BCL11B: variants seen among roughly 807,000 people sequenced by gnomAD.
BCL11B encodes the protein B-cell lymphoma/leukemia 11B.
BCL11B carries 8 observed loss-of-function variants against 49.9 expected under a neutral mutation model. That is an observed-to-expected ratio of 0.16 (90% CI 0.09 to 0.29). The LOEUF (loss-of-function observed/expected upper bound fraction) is 0.29. BCL11B is among the 10% of genes least tolerant of loss of function. The probability of loss-of-function intolerance (pLI) is 1.00; values close to 1 mark genes in which losing one functional copy is unlikely to be tolerated. For missense variants in BCL11B, 1,006 were observed against 1,351.0 expected (o/e 0.74, Z 4.00); for synonymous variants, 739 against 637.4 (o/e 1.16, Z -2.40).
chr14:99,176,377 G>A (rs2496478), intron 3 of BCL11B, among the ~76,000 whole-genome samples, 182 bp from the exon 4 acceptor site: 1 of 152,182 alleles, frequency 6.6e-6, no homozygotes, highest in Non-Finnish European at 1.5e-5. Context: ...CCTGGCTGGG[G>A]GGCCGAAGAC....
At chr14:99,259,067 G>C (rs1289311116) in intron 1 of BCL11B, among the ~76,000 whole-genome samples, 1 of 152,138 alleles carries the variant, frequency 6.6e-6, no homozygotes, top group Admixed American at 6.5e-5. Flanking sequence ...CTCGGGGTCT[G>C]AGCAAATTCG....
At chr14:99,243,238 G>A (rs534902545) in intron 2 of BCL11B, among the ~76,000 whole-genome samples, 3 of 152,296 alleles carry the variant, frequency 2.0e-5, no homozygotes, top group African/African-American at 7.2e-5. Context: ...GAATGGGGAA[G>A]TGGGGGAGTT....
At chr14:99,236,441 C>A (rs1327525338) in intron 2 of BCL11B, among the ~76,000 whole-genome samples, 1 of 152,112 alleles carries the variant, frequency 6.6e-6, no homozygotes, top group African/African-American at 2.4e-5. Flanking sequence ...AATTAGGATT[C>A]TTTTTCCGGT....
At chr14:99,193,730 A>G (rs926699685) in intron 3 of BCL11B, among the ~76,000 whole-genome samples, 2 of 152,266 alleles carry the variant, frequency 1.3e-5, no homozygotes, top group African/African-American at 4.8e-5. Flanking sequence ...CACTGCCAAC[A>G]GAAGTTCTGG....
At position 99,244,684 on chromosome 14, in the gene BCL11B, A is replaced by AG. The variant is rs1446646892; in HGVS notation, c.427+12786dup. Among the ~76,000 whole-genome samples the AG allele has an allele frequency of 3.3e-5, 5 of 152,296 alleles. No individual in the cohort carries two copies. In the East Asian group the frequency reaches 7.7e-4, roughly 23 times the overall value. On this transcript the variant is annotated intron_variant, in intron 2 of 3. Coordinates refer to ENST00000357195, the MANE Select transcript of BCL11B (RefSeq NM_138576.4). ...GTGTTGAATTTGTTACCTTTTCCGG[A>AG]GGGCTTGCAAAAAATAAATTGACAA...
Position 99,174,920 on chromosome 14 carries a change from GCGT to G in BCL11B, c.1913_1915del (p.Asp638del), listed in dbSNP as rs1278493215. On this transcript the variant is annotated inframe_deletion, in exon 4 of 4. Coordinates refer to ENST00000357195, the MANE Select transcript of BCL11B (RefSeq NM_138576.4). ...CGCGCCCGCGTCCCCGCAGCCGCCC[GCGT>G]CGTCGTCGTCGCCCGCGTCCCCGCC... 2.4e-5 allele frequency: 29 copies of G among 1,230,208 alleles called. No homozygotes were observed. Among genetic ancestry groups the G allele is most frequent in the Middle Eastern group, 3.3e-4 (1 of 3,022 alleles). The allele number at this position is 1,230,208 out of a possible 1,614,324, so 76.2% of individuals were successfully genotyped here.
At chr14:99,243,003 A>C (rs948633998) in intron 2 of BCL11B, among the ~76,000 whole-genome samples, 1 of 152,190 alleles carries the variant, frequency 6.6e-6, no homozygotes, top group Non-Finnish European at 1.5e-5. Flanking sequence ...AAGCCTGTGC[A>C]TTTAAAGACT....
Position 99,241,959 on chromosome 14 carries a change from ATTTATTT to A in BCL11B, c.428-10409_428-10403del, listed in dbSNP as rs1390655264. Among the ~76,000 whole-genome samples, 1 of 152,074 alleles carries A rather than the reference ATTTATTT, an allele frequency of 6.6e-6. No homozygotes were observed. Among genetic ancestry groups the A allele is most frequent in the Non-Finnish European group, 1.5e-5 (1 of 68,006 alleles). On this transcript the variant is annotated intron_variant, in intron 2 of 3. Coordinates refer to ENST00000357195, the MANE Select transcript of BCL11B (RefSeq NM_138576.4). This position sits in a 1 kb window ranked among gnomAD's most constrained non-coding sequence, Gnocchi z 4.4. ...ACCGAAGACGCCAAGCGTAAACATG[ATTTATTT>A]AGCTGTGTTTAACGTGTCTGTCCTC... is the stretch of plus-strand genomic sequence containing the variant.
chr14:99,250,958 A>G (rs2139938650), intron 2 of BCL11B, among the ~76,000 whole-genome samples: 1 of 152,044 alleles, frequency 6.6e-6, no homozygotes, highest in African/African-American at 2.4e-5. Flanking sequence ...TGATGTCACC[A>G]TGTTAGCGGC....
rs1887494281 is a variant in BCL11B at position 99,205,031 on chromosome 14, C to T, written c.640+26314G>A. On this transcript the variant is annotated intron_variant, in intron 3 of 3. Coordinates refer to ENST00000357195, the MANE Select transcript of BCL11B (RefSeq NM_138576.4). This position sits in a 1 kb window ranked among gnomAD's most constrained non-coding sequence, Gnocchi z 5.0. ...GGTACCTGGGACAGGACAGGCGGAC[C>T]AGGTCCCAGATCACCTGTGGGCAGG... 1.3e-5 allele frequency among the ~76,000 whole-genome samples: 2 copies of T among 152,166 alleles called. No homozygotes were observed. The highest frequency in any genetic ancestry group is 1.3e-4 in the Admixed American group (2 of 15,274).
At position 99,242,510 on chromosome 14, in the gene BCL11B, G is replaced by C. The variant is rs908881809; in HGVS notation, c.428-10953C>G. Among the ~76,000 whole-genome samples, 2 of 152,134 alleles carry C rather than the reference G, an allele frequency of 1.3e-5. No homozygotes were observed. Among genetic ancestry groups the C allele is most frequent in the African/African-American group, 4.8e-5 (2 of 41,430 alleles). ...CAAGCCTGCACCATCGCAGACTCCA[G>C]GTATCTGCCGTTCCCCACTCCAGCC... On this transcript the variant is annotated intron_variant, in intron 2 of 3. Coordinates refer to ENST00000357195, the MANE Select transcript of BCL11B (RefSeq NM_138576.4). The surrounding 1 kb of genome is among the most constrained non-coding windows in gnomAD (Gnocchi z 4.4).
intron 2 of BCL11B, among the ~76,000 whole-genome samples, chr14:99,254,501 C>T (rs996487455): frequency 2.6e-5 from 4 of 152,192 alleles, no homozygotes; most frequent in Admixed American, 6.5e-5. Context: ...GGTTGCTGGC[C>T]CTGGAAAAGG....
chr14:99,186,561 G>T (rs1028041771), intron 3 of BCL11B, among the ~76,000 whole-genome samples: 3 of 152,202 alleles, frequency 2.0e-5, no homozygotes, highest in African/African-American at 7.2e-5. Flanking sequence ...GAAAGCGCAT[G>T]CCTGGCAGAG....
At chr14:99,226,647 C>T (rs1303564075) in intron 3 of BCL11B, among the ~76,000 whole-genome samples, 3 of 152,206 alleles carry the variant, frequency 2.0e-5, no homozygotes, top group Non-Finnish European at 4.4e-5. Context: ...GGCCACTTTC[C>T]AGGCAGACTG....
chr14:99,239,897 T>G (rs909112350), intron 2 of BCL11B, among the ~76,000 whole-genome samples: 1 of 151,930 alleles, frequency 6.6e-6, no homozygotes, highest in Non-Finnish European at 1.5e-5. Context: ...GAATTAAGAA[T>G]GAAAATAAAC....
intron 2 of BCL11B, among the ~76,000 whole-genome samples, chr14:99,245,646 G>GGAC (rs1888804314): frequency 6.6e-6 from 1 of 151,564 alleles, no homozygotes; most frequent in African/African-American, 2.4e-5. Context: ...CCAGCACCCG[G>GGAC]GACGAATGCC....
chr14:99,219,234 A>G (rs1027882352), intron 3 of BCL11B, among the ~76,000 whole-genome samples: 2 of 151,856 alleles, frequency 1.3e-5, no homozygotes, highest in African/African-American at 4.8e-5. Flanking sequence ...GGGTTTCGCC[A>G]TGTTGCCCAG....
Position 99,177,818 on chromosome 14 carries a change from T to C in BCL11B, c.641-1623A>G, listed in dbSNP as rs111457520. Reference sequence around the variant, plus strand: ...ATCGATTACAGGCCTTCTGAAATCCTAGGCAGACAGCATTTTTGTTTTCCA... The same window carrying C: ...ATCGATTACAGGCCTTCTGAAATCCCAGGCAGACAGCATTTTTGTTTTCCA... On this transcript the variant is annotated intron_variant, in intron 3 of 3. Transcript: ENST00000357195. Among the ~76,000 whole-genome samples, 338 of 152,218 alleles carry C rather than the reference T, an allele frequency of 2.2e-3. 1 individual carries two copies. The highest frequency in any genetic ancestry group is 7.9e-3 in the African/African-American group (329 of 41,528).
intron 2 of BCL11B, among the ~76,000 whole-genome samples, chr14:99,253,249 T>C (rs912086700): frequency 1.3e-5 from 2 of 152,092 alleles, no homozygotes; most frequent in African/African-American, 2.4e-5. Flanking sequence ...CTCCTCAGAG[T>C]GCACCGCCAG....
Sources: allele counts gnomAD v4.1 joint callset (sites outside exome capture counted in the v4.1 genomes callset), GRCh38; gene constraint gnomAD v4.1.1; non-coding constraint Gnocchi (gnomAD v3.1); transcripts MANE v1.5; gene names NCBI Gene and HGNC (gene_info 2026-07-23, HGNC 2026-07-21).